SLC35D4: variants seen among roughly 807,000 people sequenced by gnomAD.
SLC35D4 encodes the protein solute carrier family 35 member D4, also known as UDP-N-acetylglucosamine transporter SLC35D4.
At chr18:23,416,533 C>A in the SLC35D4 span, among the ~76,000 whole-genome samples, 70 of 152,174 alleles carry the variant, frequency 4.6e-4, no homozygotes, top group Non-Finnish European at 1.5e-4. Context: ...CAAACCCAGC[C>A]CAGCACACAC....
the SLC35D4 span, among the ~76,000 whole-genome samples, chr18:23,340,458 G>T: frequency 0.5 from 76,388 of 151,966 alleles, 19,279 homozygotes; most frequent in South Asian, 0.59. Context: ...CCTAGGCTGC[G>T]GCATTTGAGG....
At chr18:23,350,185 T>A in the SLC35D4 span, among the ~76,000 whole-genome samples, 1 of 152,284 alleles carries the variant, frequency 6.6e-6, no homozygotes, top group Admixed American at 6.5e-5. Context: ...TTTCCTGAAC[T>A]AAATTGTGAA....
At chr18:23,248,317 A>G in the SLC35D4 span, among the ~76,000 whole-genome samples, 1 of 152,108 alleles carries the variant, frequency 6.6e-6, no homozygotes, top group South Asian at 2.1e-4. Context: ...GGTAAATGCA[A>G]TCAGCAGAAT....
the SLC35D4 span, among the ~76,000 whole-genome samples, chr18:23,381,500 C>T: frequency 5.9e-5 from 9 of 152,212 alleles, no homozygotes; most frequent in South Asian, 1.5e-3. Flanking sequence ...CAACTGTGCC[C>T]GGCCTCCATC....
chr18:23,293,252 A>G, the SLC35D4 span, among the ~76,000 whole-genome samples: 23 of 151,818 alleles, frequency 1.5e-4, no homozygotes, highest in Non-Finnish European at 2.2e-4. Context: ...CTCAAAAATA[A>G]ATGAATGAAT....
chr18:23,383,936 C>A, the SLC35D4 span, among the ~76,000 whole-genome samples: 1 of 139,210 alleles, frequency 7.2e-6, no homozygotes, highest in African/African-American at 2.7e-5. Flanking sequence ...TTCCTGCACA[C>A]CTGTAAAAAG....
chr18:23,427,532 A>G, the SLC35D4 span, among the ~76,000 whole-genome samples: 1 of 152,090 alleles, frequency 6.6e-6, no homozygotes, highest in Non-Finnish European at 1.5e-5. Context: ...GGTGCTGGAG[A>G]GGATGTGGAG....
chr18:23,360,792 T>G, the SLC35D4 span, among the ~76,000 whole-genome samples: 2 of 152,012 alleles, frequency 1.3e-5, no homozygotes, highest in Non-Finnish European at 2.9e-5. Context: ...TACTACCAAA[T>G]AACTAAGATA....
chr18:23,336,872 A>G, the SLC35D4 span, among the ~76,000 whole-genome samples: 84 of 152,364 alleles, frequency 5.5e-4, 1 homozygote, highest in African/African-American at 1.9e-3. Flanking sequence ...GACTAGAAAG[A>G]AAGAAATAAC....
the SLC35D4 span, among the ~76,000 whole-genome samples, chr18:23,239,672 G>A: frequency 6.6e-6 from 1 of 152,236 alleles, no homozygotes; most frequent in East Asian, 1.9e-4. Context: ...ATTGATTGAG[G>A]CCTTATTATG....
At chr18:23,268,803 CGTGT>C in the SLC35D4 span, among the ~76,000 whole-genome samples, 3,658 of 149,462 alleles carry the variant, frequency 0.024, 52 homozygotes, top group Middle Eastern at 0.034. Flanking sequence ...TGTGTGTGTG[CGTGT>C]GTGTGTGTGT....
chr18:23,417,002 G>C, the SLC35D4 span, among the ~76,000 whole-genome samples: 2 of 152,192 alleles, frequency 1.3e-5, no homozygotes, highest in African/African-American at 4.8e-5. Context: ...AGCACTTTGG[G>C]AGGCTGAGAG....
chr18:23,242,298 C>A, the SLC35D4 span, among the ~76,000 whole-genome samples: 2 of 152,032 alleles, frequency 1.3e-5, no homozygotes, highest in Admixed American at 6.6e-5. Flanking sequence ...ATTCCTGGGG[C>A]AGGTGTGCAA....
At chr18:23,418,555 G>A in the SLC35D4 span, among the ~76,000 whole-genome samples, 3 of 151,306 alleles carry the variant, frequency 2.0e-5, no homozygotes, top group African/African-American at 7.3e-5. Flanking sequence ...TCACCATGTT[G>A]GCCAGGCTGG....
the SLC35D4 span, among the ~76,000 whole-genome samples, chr18:23,307,416 G>A: frequency 6.6e-6 from 1 of 152,170 alleles, no homozygotes; most frequent in African/African-American, 2.4e-5. Flanking sequence ...ATCACCTATT[G>A]GTTTGAATAG....
the SLC35D4 span, among the ~76,000 whole-genome samples, chr18:23,428,289 T>C: frequency 1.3e-5 from 2 of 152,138 alleles, no homozygotes; most frequent in East Asian, 3.9e-4. Flanking sequence ...GTGGATCATA[T>C]GCATAAGAAA....
the SLC35D4 span, among the ~76,000 whole-genome samples, chr18:23,401,346 T>C: frequency 1.3e-5 from 2 of 152,154 alleles, no homozygotes; most frequent in Non-Finnish European, 1.5e-5. Flanking sequence ...GACATACAAA[T>C]AGATAAGCTG....
At chr18:23,371,484 T>C in the SLC35D4 span, 1 of 1,586,004 alleles carries the variant, frequency 6.3e-7, no homozygotes, top group Non-Finnish European at 8.6e-7. Context: ...AAACACAAAA[T>C]TAAAAAAAGA....
the SLC35D4 span, among the ~76,000 whole-genome samples, chr18:23,380,343 G>T: frequency 1.3e-5 from 2 of 152,136 alleles, no homozygotes. Flanking sequence ...GTCCTGCGGT[G>T]TCACCCCTGC....
Sources: gnomAD v4.1 joint callset for allele counts (sites outside exome capture counted in the v4.1 genomes callset) on GRCh38, gnomAD v4.1.1 for gene constraint, MANE v1.5 for transcripts, NCBI Gene and HGNC (gene_info 2026-07-23, HGNC 2026-07-21) for gene names.